The following RBFOX1 variants were observed in gnomAD, a reference collection of about 807,000 sequenced individuals.
The protein encoded by RBFOX1 is RNA binding protein fox-1 homolog 1.
A neutral mutation model predicts 57.7 loss-of-function variants in RBFOX1; 8 were observed. That is an observed-to-expected ratio of 0.14 (90% CI 0.08 to 0.25). The LOEUF is 0.25. Among genes scored for constraint, RBFOX1 ranks in the 10% least tolerant of loss-of-function variants. The pLI is 1.00. For missense variants in RBFOX1, 611 were observed against 548.5 expected (o/e 1.11, Z -1.14); for synonymous variants, 326 against 222.4 (o/e 1.47, Z -4.15).
intron 3 of RBFOX1, among the ~76,000 whole-genome samples, chr16:6,749,327 G>T (rs985928297): frequency 2.0e-5 from 3 of 152,144 alleles, no homozygotes; most frequent in Non-Finnish European, 4.4e-5. Context: ...CACACAGGAC[G>T]CATTCCACAC....
chr16:5,712,948 G>A (rs7192139), intron 3 of RBFOX1, among the ~76,000 whole-genome samples: 31,446 of 150,188 alleles, frequency 0.21, 5,280 homozygotes, highest in African/African-American at 0.46. Flanking sequence ...TCCAAATGCT[G>A]TATCATGATT....
intron 4 of RBFOX1, among the ~76,000 whole-genome samples, chr16:7,237,560 G>C (rs892854513): frequency 2.0e-5 from 3 of 152,180 alleles, no homozygotes; most frequent in African/African-American, 4.8e-5. Context: ...CTCTAGATTT[G>C]GACCAACTGG....
chr16:6,495,701 C>T (rs1598229246), intron 2 of RBFOX1, among the ~76,000 whole-genome samples: 1 of 152,314 alleles, frequency 6.6e-6, no homozygotes. Flanking sequence ...GTAGATTTCA[C>T]AACCCTCCCT....
At chr16:7,593,848 G>A (rs2094560392) in intron 7 of RBFOX1, among the ~76,000 whole-genome samples, 1 of 152,122 alleles carries the variant, frequency 6.6e-6, no homozygotes, top group Non-Finnish European at 1.5e-5. Context: ...AGGTACAGCT[G>A]TCTATAGAAT....
At chr16:5,266,023 C>A (rs528214849) in intron 1 of RBFOX1, among the ~76,000 whole-genome samples, 2 of 149,974 alleles carry the variant, frequency 1.3e-5, no homozygotes, top group Non-Finnish European at 3.0e-5. Context: ...CAAATCCTAG[C>A]TCTAAAGGCA....
At chr16:6,868,602 G>C (rs1242597938) in intron 3 of RBFOX1, among the ~76,000 whole-genome samples, 1 of 152,016 alleles carries the variant, frequency 6.6e-6, no homozygotes, top group Non-Finnish European at 1.5e-5. Context: ...GTCCTGAGTA[G>C]CTGGGATTAT....
intron 4 of RBFOX1, among the ~76,000 whole-genome samples, chr16:7,149,501 T>TC (rs1555511828): frequency 3.4e-5 from 4 of 117,584 alleles, no homozygotes; most frequent in African/African-American, 1.4e-4. Context: ...TTTTTTTTTT[T>TC]TCCCCGACAG....
chr16:5,597,566 G>T (rs11076945), intron 2 of RBFOX1, among the ~76,000 whole-genome samples: 2 of 151,754 alleles, frequency 1.3e-5, no homozygotes, highest in African/African-American at 4.8e-5. Flanking sequence ...CAGCCTGGCT[G>T]ATTTTGTACT....
chr16:7,501,000 G>T (rs2070628980), intron 4 of RBFOX1, among the ~76,000 whole-genome samples: 1 of 152,136 alleles, frequency 6.6e-6, no homozygotes, highest in African/African-American at 2.4e-5. Flanking sequence ...GCCATGTGAA[G>T]AAGGACATAT....
rs561544155 is a variant in RBFOX1, at chr16:5,286,474, A to G, written c.219+46369A>G. Among the ~76,000 whole-genome samples, 4 of 152,314 alleles carry G rather than the reference A, an allele frequency of 2.6e-5. No homozygotes were observed. The South Asian group carries it at 8.3e-4, about 32-fold the overall frequency. The stretch of plus-strand genomic sequence containing the variant: ...CAGTCTCCAGGCCCCCAGATGGTAC[A>G]TTCAGGCACCAGCATATTCCTATGC... On this transcript the variant is annotated intron_variant, in intron 1 of 2. Coordinates refer to the RBFOX1 transcript ENST00000585867.
intron 4 of RBFOX1, among the ~76,000 whole-genome samples, chr16:7,504,316 A>G (rs2151895566): frequency 6.6e-6 from 1 of 152,144 alleles, no homozygotes; most frequent in East Asian, 2.0e-4. Flanking sequence ...TAATTGTATT[A>G]TTGTTATTAT....
At chr16:6,909,075 C>T (rs973794293) in intron 3 of RBFOX1, among the ~76,000 whole-genome samples, 2 of 152,128 alleles carry the variant, frequency 1.3e-5, no homozygotes, top group Non-Finnish European at 2.9e-5. Context: ...TAATTTAAAA[C>T]AACACAAATG....
At chr16:7,132,215 G>C (rs756547512) in intron 4 of RBFOX1, among the ~76,000 whole-genome samples, 4 of 151,834 alleles carry the variant, frequency 2.6e-5, no homozygotes, top group Admixed American at 6.6e-5. Flanking sequence ...TCCTGACTTC[G>C]ACTGATCTGC....
Position 7,209,092 on chromosome 16 carries a change from C to CA in RBFOX1, c.27+156996dup, listed in dbSNP as rs560029018. Among the ~76,000 whole-genome samples the CA allele has an allele frequency of 9.4e-4, 142 of 151,678 alleles. 1 individual carries two copies. Among genetic ancestry groups the CA allele is most frequent in the African/African-American group, 3.4e-3 (140 of 41,376 alleles). On this transcript the variant is annotated intron_variant, in intron 4 of 15. Transcript: ENST00000550418. ...GTCAGATCACCTGAGGTCAGGAGTT[C>CA]AAGAGCAGCCTGGCCAACGTGGTGA...
chr16:6,196,528 T>A (rs924520656), intron 1 of RBFOX1, among the ~76,000 whole-genome samples: 3 of 152,326 alleles, frequency 2.0e-5, no homozygotes, highest in East Asian at 3.9e-4. Context: ...TATTTCAATA[T>A]GGATGCGTGG....
intron 2 of RBFOX1, among the ~76,000 whole-genome samples, chr16:6,440,834 C>G (rs1433837369): frequency 6.7e-6 from 1 of 148,522 alleles, no homozygotes. Flanking sequence ...GTAATAGGAT[C>G]AAGAGGGTGG....
chr16:5,903,932 T>G (rs1042692099), intron 4 of RBFOX1, among the ~76,000 whole-genome samples: 1 of 152,144 alleles, frequency 6.6e-6, no homozygotes, highest in African/African-American at 2.4e-5. Flanking sequence ...GGGAAGCTGG[T>G]GGAGGCACGT....
intron 2 of RBFOX1, among the ~76,000 whole-genome samples, chr16:6,646,677 A>G: frequency 6.6e-6 from 1 of 152,020 alleles, no homozygotes; most frequent in Admixed American, 6.6e-5. Flanking sequence ...GCAGACAGAG[A>G]GCTGCTTTTC....
At chr16:6,640,267 A>T (rs984883183) in intron 2 of RBFOX1, among the ~76,000 whole-genome samples, 10 of 152,166 alleles carry the variant, frequency 6.6e-5, no homozygotes, top group Non-Finnish European at 1.0e-4. Flanking sequence ...CAAGAAGTTG[A>T]TATACTATTA....
Sources: allele counts gnomAD v4.1 joint callset (sites outside exome capture counted in the v4.1 genomes callset), GRCh38; gene constraint gnomAD v4.1.1; transcripts MANE v1.5; gene names NCBI Gene and HGNC (gene_info 2026-07-23, HGNC 2026-07-21).